Variants in AAK1 observed in about 807,000 individuals in gnomAD.
AAK1 encodes AP2 associated kinase 1.
AAK1 carries 37 observed loss-of-function variants against 116.0 expected under a neutral mutation model. The ratio of observed to expected loss-of-function variants is 0.32; its 90% CI spans 0.25 to 0.42. The LOEUF (loss-of-function observed/expected upper bound fraction) is 0.42, where lower values mean the gene tolerates loss of function less well. AAK1 is among the 10% of genes least tolerant of loss of function. AAK1 has a pLI of 1.00. For missense variants in AAK1, 919 were observed against 1,170.6 expected (o/e 0.79, Z 3.14); for synonymous variants, 458 against 439.9 (o/e 1.04, Z -0.51).
At position 69,470,454 on chromosome 2, in the gene AAK1, G is replaced by A; in HGVS notation, c.*5415C>T. The A allele has an allele frequency of 1.0e-6, 1 of 985,384 alleles. No individual in the cohort carries two copies. Among genetic ancestry groups the A allele is most frequent in the Non-Finnish European group, 1.2e-6 (1 of 829,934 alleles). The allele number at this position is 985,384 out of a possible 1,614,324, so 61.0% of individuals were successfully genotyped here. On this transcript the variant is annotated 3_prime_UTR_variant, in exon 22 of 22. Coordinates refer to ENST00000409085, the MANE Select transcript of AAK1 (RefSeq NM_014911.5). ...ATTTGGTTCCACCATATATTAGGTA[G>A]CTGCATTAAAACCCACGACTGGGAA...
At position 69,643,662 on chromosome 2, in the gene AAK1, G is replaced by A. The variant is rs1367071840; in HGVS notation, c.-322C>T. The A allele has an allele frequency of 4.1e-6, 5 of 1,226,010 alleles. No homozygotes were observed. Among genetic ancestry groups the A allele is most frequent in the East Asian group, 3.2e-5 (1 of 31,352 alleles). 75.9% of individuals were successfully genotyped at this position (1,226,010 alleles called of 1,614,324 possible). On this transcript the variant is annotated 5_prime_UTR_variant, in exon 1 of 22. Coordinates refer to ENST00000409085, the MANE Select transcript of AAK1 (RefSeq NM_014911.5). ...CCGGCCTGCGACGCAGAGAAGAGGC[G>A]GCGCTGCAGCGAGAGCCGGGGCCGC...
In AAK1 at chr2:69,514,537, T is replaced by C; in HGVS notation, c.1710A>G (p.Ala570=). 6.4e-7 allele frequency: 1 copy of C among 1,552,568 alleles called. No individual in the cohort carries two copies. Among genetic ancestry groups the C allele is most frequent in the Non-Finnish European group, 8.7e-7 (1 of 1,147,632 alleles). Residue 570 remains alanine (A), a synonymous_variant, in exon 13 of 22, where the codon GCA becomes GCG. Coordinates refer to ENST00000409085, the MANE Select transcript of AAK1 (RefSeq NM_014911.5). ...QAALQQKPTM[A]AGQQPQPQPA... is the part of the protein sequence containing the mutation. Reference sequence around the variant, plus strand: ...GCTGTGGCTGGGGCTGCTGTCCTGCTGCCATAGTGGGCTTTTGCTGCAAGG... The same window carrying C: ...GCTGTGGCTGGGGCTGCTGTCCTGCCGCCATAGTGGGCTTTTGCTGCAAGG...
intron 3 of AAK1, among the ~76,000 whole-genome samples, chr2:69,551,699 A>T (rs1671190167): frequency 6.6e-6 from 1 of 152,192 alleles, no homozygotes; most frequent in South Asian, 2.1e-4. Context: ...AGGTCTGAAG[A>T]TAATTAATCT....
At chr2:69,546,725 C>A (rs10177493) in intron 3 of AAK1, among the ~76,000 whole-genome samples, 5,666 of 152,176 alleles carry the variant, frequency 0.037, 369 homozygotes, top group African/African-American at 0.13. Context: ...CCAATGCAAT[C>A]GTATTAAGAG....
intron 10 of AAK1, among the ~76,000 whole-genome samples, chr2:69,524,773 A>C (rs997877680): frequency 2.6e-5 from 4 of 152,182 alleles, no homozygotes; most frequent in Non-Finnish European, 4.4e-5. Flanking sequence ...CTCATCTCTG[A>C]ATGCCCCTGA....
rs570474815 is a variant in AAK1 at position 69,626,370 on chromosome 2, ACTG to A, written c.163+16505_163+16507del. On this transcript the variant is annotated intron_variant, in intron 2 of 21. Coordinates refer to ENST00000409085, the MANE Select transcript of AAK1 (RefSeq NM_014911.5). ...GGACTTCAGTCACTGCTCCACAGAA[ACTG>A]CTAACGAAGCTCACAAATTACCTCC... is the stretch of plus-strand genomic sequence containing the variant. Among the ~76,000 whole-genome samples, 37 of 152,080 alleles carry A rather than the reference ACTG, an allele frequency of 2.4e-4. No individual in the cohort carries two copies. In the East Asian group the frequency reaches 6.4e-3, roughly 26 times the overall value.
In AAK1 at chr2:69,473,755, A is replaced by G; in HGVS notation, c.*2114T>C. The G allele has an allele frequency of 1.0e-6, 1 of 977,336 alleles. No individual in the cohort carries two copies. Among genetic ancestry groups the G allele is most frequent in the Non-Finnish European group, 1.2e-6 (1 of 822,166 alleles). 60.5% of individuals were successfully genotyped at this position (977,336 alleles called of 1,614,324 possible). A position where few individuals can be genotyped will look rare whatever the true frequency, so the allele number is the denominator to read the frequency against. On this transcript the variant is annotated 3_prime_UTR_variant, in exon 22 of 22. Coordinates refer to ENST00000409085, the MANE Select transcript of AAK1 (RefSeq NM_014911.5). ...ATATACGAAAAAAATCAAATATGAA[A>G]ACATAGAACTCAAACATTATTCTTA...
At chr2:69,580,603 G>A (rs11901296) in intron 2 of AAK1, among the ~76,000 whole-genome samples, 3,230 of 152,282 alleles carry the variant, frequency 0.021, 100 homozygotes, top group African/African-American at 0.071. Flanking sequence ...GACTCTTGGC[G>A]AGGGTCAGTA....
chr2:69,516,776 A>T (rs1001226454), intron 12 of AAK1: 2 of 152,244 alleles, frequency 1.3e-5, no homozygotes, highest in South Asian at 2.1e-4. Context: ...GTGCACCTGT[A>T]GTCCCAGCTA....
intron 2 of AAK1, among the ~76,000 whole-genome samples, chr2:69,612,501 T>C (rs6546537): frequency 0.4 from 60,360 of 152,094 alleles, 13,643 homozygotes; most frequent in East Asian, 0.71. Flanking sequence ...GCTATGAGAA[T>C]GGCACAGCTG....
Position 69,518,999 on chromosome 2 carries a change from C to G in AAK1, c.1452G>C (p.Gln484His). 1 of 1,549,806 alleles carries G rather than the reference C, an allele frequency of 6.5e-7. No homozygotes were observed. Among genetic ancestry groups the G allele is most frequent in the Non-Finnish European group, 8.7e-7 (1 of 1,146,524 alleles). ...GCTGCTGGTAAAACGTGCCTGCCGG[C>G]TGCTGCTGTGCTGGCGGTGGCTGTT... Reference protein sequence around the residue: ...QQQQPPPAQQQPAGTFYQQQQ... With the variant: ...QQQQPPPAQQHPAGTFYQQQQ... Residue 484 changes from glutamine to histidine, a missense_variant, in exon 12 of 22, where the codon CAG (glutamine) becomes CAC (histidine). Around this residue, in one of 4 missense-constraint regions of AAK1, gnomAD observed 214 missense variants for 210.6 expected, o/e 1.02. Coordinates refer to ENST00000409085, the MANE Select transcript of AAK1 (RefSeq NM_014911.5).
intron 2 of AAK1, among the ~76,000 whole-genome samples, chr2:69,641,410 C>G (rs1331131295): frequency 1.3e-5 from 2 of 152,270 alleles, no homozygotes; most frequent in Admixed American, 6.5e-5. Flanking sequence ...TGGCAGCGGG[C>G]ACAGAAGCAT....
chr2:69,640,736 T>C (rs1675686321), intron 2 of AAK1, among the ~76,000 whole-genome samples: 1 of 152,196 alleles, frequency 6.6e-6, no homozygotes, highest in Non-Finnish European at 1.5e-5. Flanking sequence ...TGACATTCTC[T>C]CTCGCTACTC....
Position 69,459,623 on chromosome 2 carries a change from T to C in AAK1, c.*16246A>G, listed in dbSNP as rs1674292159. 6.6e-6 allele frequency: 1 copy of C among 152,158 alleles called. No homozygotes were observed. The allele number at this position is 152,158 out of a possible 1,614,324, so 9.4% of individuals were successfully genotyped here. On this transcript the variant is annotated 3_prime_UTR_variant, in exon 22 of 22. Transcript: ENST00000409085. Reference sequence around the variant, plus strand: ...TTGGCTGAAACTTAACAAGAAACTGTTTACAGCAACAAAGGAAGCAATTAA... The same window carrying C: ...TTGGCTGAAACTTAACAAGAAACTGCTTACAGCAACAAAGGAAGCAATTAA...
At chr2:69,536,775 A>T (rs1242822281) in intron 5 of AAK1, among the ~76,000 whole-genome samples, 1 of 152,090 alleles carries the variant, frequency 6.6e-6, no homozygotes, top group Non-Finnish European at 1.5e-5. Flanking sequence ...TATTCCAAAC[A>T]GGTATGGCAT....
At position 69,643,009 on chromosome 2, in the gene AAK1, T is replaced by A. The variant is rs750641499; in HGVS notation, c.32A>T (p.Gln11Leu). MKKFFDSRRE[Q>L]GGSGLGSGSS... ...GCCGGAGCCCAGGCCAGAGCCGCCCTGCTCTCGCCGGGAGTCGAAAAACTT... is the reference window on the plus strand; with the variant it reads ...GCCGGAGCCCAGGCCAGAGCCGCCCAGCTCTCGCCGGGAGTCGAAAAACTT... The change falls in exon 2 of 22, where the codon CAG (glutamine) becomes CTG (leucine). Residue 11 changes from glutamine to leucine, a missense_variant. Gln to Leu is a moderately radical substitution (Grantham distance 113). Transcript: ENST00000409085. 1 of 1,610,314 alleles carries A rather than the reference T, an allele frequency of 6.2e-7. No individual in the cohort carries two copies. The highest frequency in any genetic ancestry group is 8.5e-7 in the Non-Finnish European group (1 of 1,178,592).
rs142520913 is a variant in AAK1, at chr2:69,471,682, C to G, written c.*4187G>C. On this transcript the variant is annotated 3_prime_UTR_variant, in exon 22 of 22. Coordinates refer to ENST00000409085, the MANE Select transcript of AAK1 (RefSeq NM_014911.5). ...CTGGGAAATCACAGAAAAACCTTAT[C>G]AAGAGAGACTTTATTTTGGCCCAAG... The G allele has an allele frequency of 9.6e-4, 944 of 985,332 alleles. 10 individuals carry two copies. In the Admixed American group the frequency reaches 0.012, roughly 13 times the overall value. The allele number at this position is 985,332 out of a possible 1,614,324, so 61.0% of individuals were successfully genotyped here.
chr2:69,482,675 C>T, intron 18 of AAK1, 36 bp downstream of exon 18: 1 of 1,510,280 alleles, frequency 6.6e-7, no homozygotes, highest in Admixed American at 1.7e-5. Flanking sequence ...GCACACATAT[C>T]ATGCATGACT....
chr2:69,589,708 C>CAAAAAAAA (rs762986666), intron 2 of AAK1, among the ~76,000 whole-genome samples: 29 of 58,418 alleles, frequency 5.0e-4, no homozygotes, highest in Non-Finnish European at 7.2e-4. Context: ...AACTCTGTCT[C>CAAAAAAAA]AAAAAAAAAA....
Sources: allele counts gnomAD v4.1 joint callset (sites outside exome capture counted in the v4.1 genomes callset), GRCh38; gene constraint gnomAD v4.1.1; regional missense constraint gnomAD v4.1.1; transcripts MANE v1.5; gene names NCBI Gene and HGNC (gene_info 2026-07-23, HGNC 2026-07-21).